ZC3H3: variants seen among roughly 807,000 people sequenced by gnomAD.
The protein encoded by ZC3H3 is zinc finger CCCH domain-containing protein 3.
In ZC3H3, 36 loss-of-function variants were observed where a neutral mutation model predicts 77.3. The ratio of observed to expected loss-of-function variants is 0.47; its 90% CI spans 0.36 to 0.61. The LOEUF (loss-of-function observed/expected upper bound fraction) is 0.61. Among genes scored for constraint, ZC3H3 ranks in the 20% least tolerant of loss-of-function variants. The probability of loss-of-function intolerance (pLI) is 0.00; values close to 1 mark genes in which losing one functional copy is unlikely to be tolerated. For synonymous variants in ZC3H3, 626 were observed against 555.2 expected (o/e 1.13, Z -1.79); for missense variants, 1,331 against 1,312.2 (o/e 1.01, Z -0.22).
chr8:143,468,726 C>T, intron 5 of ZC3H3, 67 bp from the exon 6 acceptor site: 1 of 1,506,886 alleles, frequency 6.6e-7, no homozygotes, highest in Non-Finnish European at 8.9e-7. Context: ...TCCCTGCTGA[C>T]CCCCTTAGTC....
intron 3 of ZC3H3, among the ~76,000 whole-genome samples, chr8:143,534,963 C>G (rs1822746188): frequency 6.6e-6 from 1 of 152,100 alleles, no homozygotes; most frequent in Non-Finnish European, 1.5e-5. Context: ...CCCGCGGCAG[C>G]CCCCACACGG....
At chr8:143,535,842 G>A (rs1563887287) in intron 3 of ZC3H3, among the ~76,000 whole-genome samples, 1 of 152,248 alleles carries the variant, frequency 6.6e-6, no homozygotes, top group Non-Finnish European at 1.5e-5. Flanking sequence ...ACTCAGAAAG[G>A]GCAGGGCAGG....
rs1822551912 is a variant in ZC3H3 at position 143,530,051 on chromosome 8, G to A, written c.1561+6206C>T. On this transcript the variant is annotated intron_variant, in intron 3 of 11. Transcript: ENST00000262577. The surrounding 1 kb of genome is among the most constrained non-coding windows in gnomAD (Gnocchi z 4.3). ...CCAGGGGCGGGCACGGCAGACTGAG[G>A]GACGGGTAGGAATCGCCCTCCGTGT... Among the ~76,000 whole-genome samples, 1 of 152,204 alleles carries A rather than the reference G, an allele frequency of 6.6e-6. No individual in the cohort carries two copies. The highest frequency in any genetic ancestry group is 2.1e-4 in the South Asian group (1 of 4,838).
intron 3 of ZC3H3, among the ~76,000 whole-genome samples, chr8:143,524,044 G>C (rs550491166): frequency 4.6e-5 from 7 of 152,260 alleles, no homozygotes; most frequent in Non-Finnish European, 1.0e-4. Flanking sequence ...AGAAGTCCGT[G>C]TTCCCAGGTG....
At chr8:143,441,365 G>A (rs1340259461) in intron 9 of ZC3H3, among the ~76,000 whole-genome samples, 1 of 152,220 alleles carries the variant, frequency 6.6e-6, no homozygotes, top group Non-Finnish European at 1.5e-5. Flanking sequence ...CAGACTGAGA[G>A]CAGGGCGGGG....
At chr8:143,524,613 T>G (rs976306946) in intron 3 of ZC3H3, among the ~76,000 whole-genome samples, 2 of 152,270 alleles carry the variant, frequency 1.3e-5, no homozygotes, top group African/African-American at 4.8e-5. Flanking sequence ...AGCTGGCCCC[T>G]GGCCCTTGGG....
At position 143,538,817 on chromosome 8, in the gene ZC3H3, T is replaced by G. The variant is rs1179764067; in HGVS notation, c.550A>C (p.Ser184Arg). The G allele has an allele frequency of 6.2e-7, 1 of 1,612,388 alleles. No homozygotes were observed. Among genetic ancestry groups the G allele is most frequent in the Admixed American group, 1.7e-5 (1 of 59,988 alleles). ...SRPTRARGTCSVEDPLLVCQK... is the reference protein window; with the variant it reads ...SRPTRARGTCRVEDPLLVCQK... ...CAGACCAGAAGAGGATCTTCCACAC[T>G]GCAGGTCCCCCTGGCTCTTGTTGGC... The change falls in exon 2 of 12, where the codon AGT becomes CGT. Residue 184 changes from serine to arginine, a missense_variant. Coordinates refer to ENST00000262577, the MANE Select transcript of ZC3H3 (RefSeq NM_015117.3).
At chr8:143,521,707 A>G (rs1822247679) in intron 3 of ZC3H3, among the ~76,000 whole-genome samples, 1 of 152,172 alleles carries the variant, frequency 6.6e-6, no homozygotes, top group East Asian at 1.9e-4. Context: ...GCCAGGACTC[A>G]GCCCCTCCCC....
intron 1 of ZC3H3, among the ~76,000 whole-genome samples, chr8:143,539,867 G>A (rs1440002983): frequency 1.3e-5 from 2 of 152,264 alleles, no homozygotes; most frequent in African/African-American, 2.4e-5. Flanking sequence ...CCCTGCAGAA[G>A]AGGAAACATC....
At chr8:143,495,590 G>A (rs1255053108) in intron 4 of ZC3H3, among the ~76,000 whole-genome samples, 1 of 152,084 alleles carries the variant, frequency 6.6e-6, no homozygotes, top group Non-Finnish European at 1.5e-5. Context: ...TGGGGTTTCT[G>A]TTGTTGTTTT....
Position 143,538,778 on chromosome 8 carries a change from C to T in ZC3H3, c.589G>A (p.Gly197Ser), listed in dbSNP as rs1286427413. 1 of 1,612,178 alleles carries T rather than the reference C, an allele frequency of 6.2e-7. No homozygotes were observed. Among genetic ancestry groups the T allele is most frequent in the Non-Finnish European group, 8.5e-7 (1 of 1,179,850 alleles). The change falls in exon 2 of 12, where the codon GGT becomes AGT. Residue 197 changes from glycine to serine, a missense_variant. Gly to Ser is a moderately conservative substitution (Grantham distance 56). Transcript: ENST00000262577. Reference protein sequence around the residue: ...DPLLVCQKEPGKPRMVKSVGS... With the variant: ...DPLLVCQKEPSKPRMVKSVGS... Reference sequence around the variant, plus strand: ...ACTGACTTCACCATCCTGGGCTTACCAGGCTCCTTCTGGCAGACCAGAAGA... The same window carrying T: ...ACTGACTTCACCATCCTGGGCTTACTAGGCTCCTTCTGGCAGACCAGAAGA...
chr8:143,459,410 C>T (rs1402879245), intron 9 of ZC3H3, among the ~76,000 whole-genome samples: 136 of 152,178 alleles, frequency 8.9e-4, no homozygotes, highest in African/African-American at 2.9e-3. Context: ...TTAGCTGGGC[C>T]TGGCAGCGCG....
At chr8:143,464,976 C>T (rs1820368635) in intron 9 of ZC3H3, among the ~76,000 whole-genome samples, 1 of 151,908 alleles carries the variant, frequency 6.6e-6, no homozygotes, top group African/African-American at 2.4e-5. Flanking sequence ...GCTGAGGCCA[C>T]GCTGCTTGTG....
intron 9 of ZC3H3, among the ~76,000 whole-genome samples, chr8:143,443,070 G>A (rs563731072): frequency 6.6e-6 from 1 of 152,118 alleles, no homozygotes; most frequent in Non-Finnish European, 1.5e-5. Flanking sequence ...TCAGGAATTC[G>A]AGAGCAGGCC....
intron 3 of ZC3H3, among the ~76,000 whole-genome samples, chr8:143,516,899 G>A (rs1276810812): frequency 6.6e-6 from 1 of 152,232 alleles, no homozygotes; most frequent in South Asian, 2.1e-4. Flanking sequence ...GCAGCCATCC[G>A]CAGTGCAGTC....
intron 3 of ZC3H3, among the ~76,000 whole-genome samples, chr8:143,520,834 C>G (rs963764241): frequency 6.6e-6 from 1 of 152,208 alleles, no homozygotes; most frequent in Non-Finnish European, 1.5e-5. Context: ...TCACGGTGCC[C>G]ACTAGGGCCC....
intron 9 of ZC3H3, among the ~76,000 whole-genome samples, chr8:143,449,633 G>A (rs1041539808): frequency 6.6e-6 from 1 of 152,206 alleles, no homozygotes; most frequent in Non-Finnish European, 1.5e-5. Flanking sequence ...AGCTACTTGG[G>A]AGGCTGAGGC....
In ZC3H3 at chr8:143,536,313, G is replaced by C; in HGVS notation, c.1505C>G (p.Thr502Ser). The C allele has an allele frequency of 6.2e-7, 1 of 1,612,190 alleles. No individual in the cohort carries two copies. Among genetic ancestry groups the C allele is most frequent in the Non-Finnish European group, 8.5e-7 (1 of 1,179,704 alleles). Residue 502 changes from threonine (T) to serine (S), a missense_variant, in exon 3 of 12, where the codon ACC (threonine) becomes AGC (serine). Coordinates refer to ENST00000262577, the MANE Select transcript of ZC3H3 (RefSeq NM_015117.3). ...TGGCAGGCGACATAGTCGGTGCGTG[G>C]TGACCTGTACCAGGCCCTTGTTGGG... ...KTPNKGLVQV[T>S]THRLCRLPPS...
At chr8:143,518,476 G>A (rs1419330802) in intron 3 of ZC3H3, among the ~76,000 whole-genome samples, 3 of 152,250 alleles carry the variant, frequency 2.0e-5, no homozygotes, top group African/African-American at 4.8e-5. Context: ...AGAAAGCAGC[G>A]GCCCCTGAGA....
Sources: allele counts gnomAD v4.1 joint callset (sites outside exome capture counted in the v4.1 genomes callset), GRCh38; gene constraint gnomAD v4.1.1; non-coding constraint Gnocchi (gnomAD v3.1); transcripts MANE v1.5; gene names NCBI Gene and HGNC (gene_info 2026-07-23, HGNC 2026-07-21).